The following CCSER1 variants were observed in gnomAD, a reference collection of about 807,000 sequenced individuals.
CCSER1 encodes coiled-coil serine rich protein 1.
In CCSER1, 41 loss-of-function variants were observed where a neutral mutation model predicts 82.0. The ratio of observed to expected loss-of-function variants is 0.50; its 90% CI spans 0.39 to 0.65. CCSER1 has a LOEUF of 0.65. Among genes scored for constraint, CCSER1 ranks in the 30% least tolerant of loss-of-function variants. The pLI is 0.00. For synonymous variants in CCSER1, 414 were observed against 383.9 expected (o/e 1.08, Z -0.92); for missense variants, 1,119 against 1,064.2 (o/e 1.05, Z -0.72).
intron 6 of CCSER1, among the ~76,000 whole-genome samples, chr4:90,660,965 C>T (rs1730663887): frequency 7.1e-6 from 1 of 140,396 alleles, no homozygotes; most frequent in Admixed American, 7.2e-5. Context: ...ACATAGTGCT[C>T]AATAAAGGTA....
intron 10 of CCSER1, among the ~76,000 whole-genome samples, chr4:91,217,958 G>T (rs550015479): frequency 6.6e-6 from 1 of 152,224 alleles, no homozygotes; most frequent in Non-Finnish European, 1.5e-5. Context: ...CCAGTCCTGC[G>T]CTGTGAGCTC....
intron 7 of CCSER1, among the ~76,000 whole-genome samples, chr4:90,810,659 A>ACAACAG (rs61599055): frequency 0.33 from 50,203 of 150,836 alleles, 8,492 homozygotes; most frequent in East Asian, 0.42. Context: ...AACAACAACA[A>ACAACAG]CAACAACAAC....
intron 1 of CCSER1, among the ~76,000 whole-genome samples, chr4:90,278,536 C>T (rs900512347): frequency 1.6e-4 from 24 of 152,004 alleles, no homozygotes; most frequent in Non-Finnish European, 1.6e-4. Context: ...AACATGGGTA[C>T]AGCTGAAGGC....
At chr4:90,486,812 G>A (rs992116800) in intron 5 of CCSER1, among the ~76,000 whole-genome samples, 4 of 152,332 alleles carry the variant, frequency 2.6e-5, no homozygotes, top group Non-Finnish European at 4.4e-5. Context: ...GAGACTGGAA[G>A]ACTGCATGTA....
chr4:90,684,750 TG>T (rs1327343790), intron 6 of CCSER1, among the ~76,000 whole-genome samples: 4 of 151,958 alleles, frequency 2.6e-5, no homozygotes, highest in Admixed American at 1.3e-4. Context: ...AATTGAATCA[TG>T]GGGGCAGATA....
At chr4:91,217,233 G>T (rs905528708) in intron 10 of CCSER1, among the ~76,000 whole-genome samples, 14 of 152,288 alleles carry the variant, frequency 9.2e-5, no homozygotes, top group African/African-American at 3.4e-4. Flanking sequence ...AGGGACCCGA[G>T]CGGGTTGCCA....
chr4:91,395,183 C>G (rs565847365), intron 10 of CCSER1, among the ~76,000 whole-genome samples: 10 of 152,138 alleles, frequency 6.6e-5, no homozygotes, highest in Non-Finnish European at 1.5e-4. Context: ...AGCTTGCTCT[C>G]AGGCACTCTC....
intron 10 of CCSER1, among the ~76,000 whole-genome samples, chr4:91,275,941 G>A (rs896114396): frequency 1.7e-4 from 26 of 152,010 alleles, no homozygotes; most frequent in African/African-American, 5.8e-4. Context: ...TATTTTTTTG[G>A]TGTTTTTGTC....
chr4:90,585,931 T>TG (rs1180053758), intron 5 of CCSER1, among the ~76,000 whole-genome samples: 1 of 152,194 alleles, frequency 6.6e-6, no homozygotes, highest in Admixed American at 6.5e-5. Flanking sequence ...CATCAAGAAA[T>TG]TTATTTTCTA....
chr4:90,277,664 A>G (rs1348103361), intron 1 of CCSER1, among the ~76,000 whole-genome samples: 1 of 152,188 alleles, frequency 6.6e-6, no homozygotes, highest in Non-Finnish European at 1.5e-5. Flanking sequence ...CTATCACCAT[A>G]TATGAAAGTT....
At chr4:91,381,213 C>A (rs187620823) in intron 10 of CCSER1, among the ~76,000 whole-genome samples, 2,546 of 152,146 alleles carry the variant, frequency 0.017, 53 homozygotes, top group African/African-American at 0.056. Context: ...GTGAATCTGA[C>A]AATTATGTGT....
At chr4:91,079,072 A>G (rs958074028) in intron 9 of CCSER1, among the ~76,000 whole-genome samples, 10 of 152,200 alleles carry the variant, frequency 6.6e-5, no homozygotes, top group African/African-American at 2.4e-4. Context: ...CAGGAAATAC[A>G]GAGAACGCCA....
At chr4:91,526,365 A>C (rs976081567) in intron 10 of CCSER1, among the ~76,000 whole-genome samples, 6 of 152,156 alleles carry the variant, frequency 3.9e-5, no homozygotes, top group African/African-American at 1.4e-4. Context: ...TTTCTGGACC[A>C]AACCAGTATT....
intron 5 of CCSER1, among the ~76,000 whole-genome samples, chr4:90,616,732 CACACACAAATA>C (rs771229996): frequency 0.042 from 3,146 of 75,252 alleles, 73 homozygotes; most frequent in African/African-American, 0.13. Context: ...CACACACACA[CACACACAAATA>C]AAATAAAATA....
At chr4:91,020,791 A>G (rs10031177) in intron 9 of CCSER1, among the ~76,000 whole-genome samples, 21,242 of 152,200 alleles carry the variant, frequency 0.14, 2,414 homozygotes, top group African/African-American at 0.31. Flanking sequence ...CCAACTTGGC[A>G]TTAGAAATAA....
chr4:91,415,301 CT>C (rs1560653348), intron 10 of CCSER1, among the ~76,000 whole-genome samples: 1 of 151,996 alleles, frequency 6.6e-6, no homozygotes, highest in African/African-American at 2.4e-5. Flanking sequence ...GCTTAACAAG[CT>C]TTTGGGCTGA....
At chr4:90,795,461 A>C (rs1318720475) in intron 7 of CCSER1, among the ~76,000 whole-genome samples, 2 of 152,110 alleles carry the variant, frequency 1.3e-5, no homozygotes, top group Non-Finnish European at 2.9e-5. Context: ...TTGACATCCT[A>C]TCTTCCTATT....
intron 10 of CCSER1, among the ~76,000 whole-genome samples, chr4:91,445,455 A>C (rs1300201457): frequency 1.3e-5 from 2 of 150,952 alleles, no homozygotes; most frequent in Non-Finnish European, 1.5e-5. Flanking sequence ...TAGCAAAGAC[A>C]CTTTCTCCCA....
chr4:90,341,156 T>G (rs2153504383), intron 3 of CCSER1, among the ~76,000 whole-genome samples: 1 of 152,248 alleles, frequency 6.6e-6, no homozygotes, highest in Middle Eastern at 3.4e-3. Flanking sequence ...TCACTCCATT[T>G]AGAAGATCAG....
Sources: allele counts gnomAD v4.1 joint callset (sites outside exome capture counted in the v4.1 genomes callset), GRCh38; gene constraint gnomAD v4.1.1; transcripts MANE v1.5; gene names NCBI Gene and HGNC (gene_info 2026-07-23, HGNC 2026-07-21).